PPFIA3: variants seen among roughly 807,000 people sequenced by gnomAD.
PPFIA3 encodes the protein PPFI scaffold protein A3.
PPFIA3 carries 26 observed loss-of-function variants against 145.8 expected under a neutral mutation model. The ratio of observed to expected loss-of-function variants is 0.18; its 90% CI spans 0.13 to 0.25. The LOEUF (loss-of-function observed/expected upper bound fraction) is 0.25. PPFIA3 is among the 10% of genes least tolerant of loss of function. The pLI is 1.00. For missense variants in PPFIA3, 1,008 were observed against 1,587.8 expected (o/e 0.63, Z 6.21); for synonymous variants, 645 against 661.4 (o/e 0.98, Z 0.38).
chr19:49,146,893 G>T (rs1015913026), intron 23 of PPFIA3, among the ~76,000 whole-genome samples: 34 of 152,156 alleles, frequency 2.2e-4, no homozygotes, highest in African/African-American at 8.2e-4. Flanking sequence ...TTGCACCATT[G>T]TACTCCAGCC....
At chr19:49,135,132 C>T (rs1214957827) in intron 13 of PPFIA3, among the ~76,000 whole-genome samples, 1 of 152,172 alleles carries the variant, frequency 6.6e-6, no homozygotes, top group East Asian at 1.9e-4. Context: ...ACCTCCACCT[C>T]CTGAGTTCAA....
chr19:49,129,543 G>A (rs2041044285), intron 5 of PPFIA3, 89 bp downstream of exon 5: 3 of 1,387,036 alleles, frequency 2.2e-6, no homozygotes, highest in Non-Finnish European at 3.0e-6. Flanking sequence ...GTGGGTTCCA[G>A]AGAGAATCTA....
At chr19:49,138,785 C>A (rs2041172869) in intron 16 of PPFIA3, among the ~76,000 whole-genome samples, 1 of 152,294 alleles carries the variant, frequency 6.6e-6, no homozygotes, top group African/African-American at 2.4e-5. Flanking sequence ...ACCTGGCCAA[C>A]ATGGTGAAAC....
In PPFIA3 at chr19:49,138,168, C is replaced by G. The variant is rs180798452; in HGVS notation, c.1854-37C>G. 6 of 1,520,980 alleles carry G rather than the reference C, an allele frequency of 3.9e-6. No individual in the cohort carries two copies. In the African/African-American group the frequency reaches 8.3e-5, roughly 21 times the overall value. The allele number at this position is 1,520,980 out of a possible 1,614,324, so 94.2% of individuals were successfully genotyped here. On this transcript the variant is annotated intron_variant, in intron 15 of 29. Coordinates refer to ENST00000334186, the MANE Select transcript of PPFIA3 (RefSeq NM_003660.4). ...AGATTCCCTCTCCCGCTGTCTGCTG[C>G]GGCCCCTCACCCAGTTTCCCCTATT...
chr19:49,127,383 TAAAAAAAAAAAA>T (rs34030131), intron 1 of PPFIA3, among the ~76,000 whole-genome samples: 6 of 28,606 alleles, frequency 2.1e-4, no homozygotes, highest in African/African-American at 6.9e-4. Context: ...TCACTCCAGC[TAAAAAAAAAAAA>T]AAAAAAAAAA....
At chr19:49,139,878 G>A in intron 17 of PPFIA3, 47 bp downstream of exon 17, 1 of 1,611,234 alleles carries the variant, frequency 6.2e-7, no homozygotes, top group Non-Finnish European at 8.5e-7. Context: ...GGCTTGGGAA[G>A]ATGAGAAGGG....
At position 49,149,857 on chromosome 19, in the gene PPFIA3, T is replaced by TC. The variant is rs2041324813; in HGVS notation, c.3526+144dup. 8.3e-7 allele frequency: 1 copy of TC among 1,207,148 alleles called. No homozygotes were observed. Among genetic ancestry groups the TC allele is most frequent in the South Asian group, 1.5e-5 (1 of 64,760 alleles). 74.8% of individuals were successfully genotyped at this position (1,207,148 alleles called of 1,614,324 possible). A position where few individuals can be genotyped will look rare whatever the true frequency, so the allele number is the denominator to read the frequency against. Reference sequence around the variant, plus strand: ...AATGGACTGCTCCAACGTTCCGGACTCCCCCGTCAGGATGAAATGGATAAA... The same window carrying TC: ...AATGGACTGCTCCAACGTTCCGGACTCCCCCCGTCAGGATGAAATGGATAAA... On this transcript the variant is annotated intron_variant, in intron 28 of 29. Coordinates refer to ENST00000334186, the MANE Select transcript of PPFIA3 (RefSeq NM_003660.4). The surrounding 1 kb of genome is among the most constrained non-coding windows in gnomAD (Gnocchi z 5.7).
At chr19:49,148,886 G>A in intron 25 of PPFIA3, 107 bp from the exon 26 acceptor site, 1 of 1,561,830 alleles carries the variant, frequency 6.4e-7, no homozygotes, top group South Asian at 1.2e-5. Context: ...GGTGGAGCCA[G>A]CGTGGGGGGC....
intron 13 of PPFIA3, 132 bp downstream of exon 13, chr19:49,135,047 G>GTT (rs1349578085): frequency 2.6e-6 from 2 of 765,744 alleles, no homozygotes; most frequent in Admixed American, 6.1e-5. Flanking sequence ...TTGTTTGTTT[G>GTT]TTTGTTTGTT....
chr19:49,145,637 A>C, intron 21 of PPFIA3: 1 of 410,590 alleles, frequency 2.4e-6, no homozygotes, highest in Non-Finnish European at 4.5e-6. Context: ...TCTGTCCCCC[A>C]CTTCTGAATC....
chr19:49,134,979 C>T (rs997501258), intron 13 of PPFIA3, 64 bp downstream of exon 13: 107 of 1,351,960 alleles, frequency 7.9e-5, no homozygotes, highest in Non-Finnish European at 9.9e-5. Context: ...CCAAGCTCCT[C>T]CCTTCTGATC....
At chr19:49,127,828 C>T in intron 1 of PPFIA3, 31 bp from the exon 2 acceptor site, 1 of 1,580,518 alleles carries the variant, frequency 6.3e-7, no homozygotes, top group Non-Finnish European at 8.5e-7. Context: ...TTGACAAGGC[C>T]GGTCTGTTCC....
intron 28 of PPFIA3, 37 bp from the exon 29 acceptor site, chr19:49,150,043 G>A (rs368501411): frequency 3.1e-6 from 5 of 1,587,782 alleles, no homozygotes; most frequent in Non-Finnish European, 4.3e-6. Context: ...AGGGAGGAGG[G>A]TGCTCCAGGC....
At chr19:49,146,034 G>A (rs2041276068) in intron 22 of PPFIA3, 29 bp downstream of exon 22, 1 of 1,612,944 alleles carries the variant, frequency 6.2e-7, no homozygotes. Flanking sequence ...CCGCCTTGGG[G>A]GTGGCACTAA....
chr19:49,148,504 T>C, intron 24 of PPFIA3, 162 bp from the exon 25 acceptor site: 1 of 715,696 alleles, frequency 1.4e-6, no homozygotes, highest in Non-Finnish European at 2.3e-6. Flanking sequence ...GAAGTGCCTA[T>C]TATTGAAAAT....
chr19:49,139,858 G>A (rs1159761958), intron 17 of PPFIA3, 27 bp downstream of exon 17: 2 of 1,610,502 alleles, frequency 1.2e-6, no homozygotes, highest in Admixed American at 1.7e-5. Flanking sequence ...GATAGGGACA[G>A]GGAGAAGCTG....
At position 49,128,118 on chromosome 19, in the gene PPFIA3, G is replaced by C. The variant is rs531072806; in HGVS notation, c.240+5G>C. Reference sequence around the variant, plus strand: ...CTCAGCATCGCGCTGCCCCAGGTCTGGGCGGGACAGGGGCGGGGCATGAGG... The same window carrying C: ...CTCAGCATCGCGCTGCCCCAGGTCTCGGCGGGACAGGGGCGGGGCATGAGG... On this transcript the variant is annotated splice_donor_5th_base_variant and intron_variant, in intron 2 of 29. Transcript: ENST00000334186. This position sits in a 1 kb window ranked among gnomAD's most constrained non-coding sequence, Gnocchi z 4.1. 2.0e-6 allele frequency: 3 copies of C among 1,533,142 alleles called. No individual in the cohort carries two copies. Among genetic ancestry groups the C allele is most frequent in the Non-Finnish European group, 2.6e-6 (3 of 1,146,816 alleles). The allele number at this position is 1,533,142 out of a possible 1,614,324, so 95.0% of individuals were successfully genotyped here.
At chr19:49,141,336 C>T (rs7250958) in intron 18 of PPFIA3, 84 bp from the exon 19 acceptor site, 468,332 of 1,046,680 alleles carry the variant, frequency 0.45, 106,630 homozygotes, top group South Asian at 0.53. Flanking sequence ...TCTGCCTTTC[C>T]GGCATTTTCC....
intron 1 of PPFIA3, among the ~76,000 whole-genome samples, chr19:49,126,963 C>T (rs2041006069): frequency 6.6e-6 from 1 of 151,652 alleles, no homozygotes; most frequent in Non-Finnish European, 1.5e-5. Flanking sequence ...TTCCCAAATC[C>T]TCTCACCCAG....
Sources: allele counts gnomAD v4.1 joint callset (sites outside exome capture counted in the v4.1 genomes callset), GRCh38; gene constraint gnomAD v4.1.1; non-coding constraint Gnocchi (gnomAD v3.1); transcripts MANE v1.5; gene names NCBI Gene and HGNC (gene_info 2026-07-23, HGNC 2026-07-21).